Variants in ANKFN1 observed in about 807,000 individuals in gnomAD.
ANKFN1 encodes the protein ankyrin repeat and fibronectin type III domain containing 1, also known as ankyrin repeat and fibronectin type-III domain-containing protein 1.
A neutral mutation model predicts 108.7 loss-of-function variants in ANKFN1; 74 were observed. That is an observed-to-expected ratio of 0.68 (90% confidence interval 0.56 to 0.83). The LOEUF (loss-of-function observed/expected upper bound fraction) is 0.83, where lower values mean the gene tolerates loss of function less well. Ranked by LOEUF, ANKFN1 falls within the 40% of genes least tolerant of loss-of-function variation. The pLI is 0.00. For synonymous variants in ANKFN1, 547 were observed against 516.2 expected (o/e 1.06, Z -0.81); for missense variants, 1,505 against 1,382.3 (o/e 1.09, Z -1.41).
intron 3 of ANKFN1, among the ~76,000 whole-genome samples, chr17:56,300,972 T>C (rs1196892548): frequency 6.6e-6 from 1 of 152,184 alleles, no homozygotes; most frequent in Non-Finnish European, 1.5e-5. Context: ...TTCCAAAACA[T>C]AGTAACTGTT....
At chr17:56,141,274 G>A (rs902717349) in intron 4 of ANKFN1, among the ~76,000 whole-genome samples, 13 of 152,270 alleles carry the variant, frequency 8.5e-5, no homozygotes, top group South Asian at 4.1e-4. Flanking sequence ...GTACAATTCC[G>A]CAGTTTGCTG....
intron 4 of ANKFN1, among the ~76,000 whole-genome samples, chr17:56,062,652 C>G (rs1035300792): frequency 1.3e-5 from 2 of 149,806 alleles, no homozygotes; most frequent in Non-Finnish European, 3.0e-5. Flanking sequence ...AGATGGGTCT[C>G]TTGAATACAG....
intron 1 of ANKFN1, among the ~76,000 whole-genome samples, chr17:56,188,581 G>GTGTGTGTGTGTATATATATATA (rs1212242378): frequency 6.0e-5 from 3 of 49,652 alleles, no homozygotes; most frequent in African/African-American, 3.0e-4. Flanking sequence ...GTGTGTGTGT[G>GTGTGTGTGTGTATATATATATA]TATATATATA....
intron 3 of ANKFN1, among the ~76,000 whole-genome samples, chr17:56,286,339 T>C (rs1303142275): frequency 6.6e-6 from 1 of 152,192 alleles, no homozygotes; most frequent in Non-Finnish European, 1.5e-5. Context: ...ACAATAGTCA[T>C]TTATTATCCC....
intron 3 of ANKFN1, among the ~76,000 whole-genome samples, chr17:56,285,650 A>G (rs1260318855): frequency 6.6e-6 from 1 of 152,148 alleles, no homozygotes; most frequent in Admixed American, 6.5e-5. Context: ...TTCTACCCAC[A>G]GCTTGTGACT....
At chr17:56,343,739 A>G (rs2046023822) in intron 4 of ANKFN1, among the ~76,000 whole-genome samples, 1 of 151,694 alleles carries the variant, frequency 6.6e-6, no homozygotes, top group Admixed American at 6.6e-5. Context: ...TGTTCCAAGG[A>G]TCTCTGCACT....
intron 3 of ANKFN1, among the ~76,000 whole-genome samples, chr17:56,246,286 G>A (rs542740102): frequency 3.9e-5 from 6 of 152,164 alleles, no homozygotes; most frequent in East Asian, 1.9e-4. Context: ...CATGGGCAGC[G>A]GCTTAGTGAG....
intron 3 of ANKFN1, among the ~76,000 whole-genome samples, chr17:56,241,004 G>A (rs1403390305): frequency 1.3e-5 from 2 of 151,804 alleles, no homozygotes; most frequent in Admixed American, 6.6e-5. Context: ...TAATTATAGA[G>A]ACATTGACAT....
rs780105207 is a variant in ANKFN1 at position 56,372,748 on chromosome 17, C to T, written c.704C>T (p.Thr235Ile). ...GCCCAGGTGGAGAATGAAGGATTCA[C>T]TCTGGACAACACAGAGAAAGAGAAG... ...LSAQVENEGF[T>I]LDNTEKEKQL... Residue 235 changes from threonine to isoleucine, a missense_variant, in exon 7 of 21, where the codon ACT becomes ATT. Thr to Ile is a moderately conservative substitution (Grantham distance 89, BLOSUM62 -1). Coordinates refer to ENST00000682825, the MANE Select transcript of ANKFN1 (RefSeq NM_001370326.1). 6 of 1,613,970 alleles carry T rather than the reference C, an allele frequency of 3.7e-6. No homozygotes were observed. The highest frequency in any genetic ancestry group is 5.1e-6 in the Non-Finnish European group (6 of 1,179,906).
At chr17:56,300,757 A>G (rs2044649593) in intron 3 of ANKFN1, among the ~76,000 whole-genome samples, 2 of 152,158 alleles carry the variant, frequency 1.3e-5, no homozygotes, top group African/African-American at 4.8e-5. Flanking sequence ...GCAGATGTCA[A>G]TCATTGGCAA....
intron 1 of ANKFN1, among the ~76,000 whole-genome samples, chr17:56,181,558 G>A (rs901710216): frequency 6.6e-6 from 1 of 152,160 alleles, no homozygotes; most frequent in African/African-American, 2.4e-5. Flanking sequence ...AGGTAGGCTG[G>A]CTTTCGAGGA....
At chr17:56,466,233 A>AAC in intron 14 of ANKFN1, 123 bp from the exon 15 acceptor site, 1 of 909,330 alleles carries the variant, frequency 1.1e-6, no homozygotes. Context: ...TAAGTGCAAA[A>AAC]AAAAAAAAGA....
intron 4 of ANKFN1, among the ~76,000 whole-genome samples, chr17:56,349,611 A>G (rs985182281): frequency 5.3e-5 from 8 of 152,090 alleles, no homozygotes; most frequent in Non-Finnish European, 1.0e-4. Context: ...GAAAGCCTAC[A>G]ACAACAAAAA....
intron 1 of ANKFN1, among the ~76,000 whole-genome samples, chr17:56,154,073 G>A (rs537850800): frequency 2.6e-5 from 4 of 151,974 alleles, no homozygotes; most frequent in East Asian, 1.9e-4. Flanking sequence ...GCTGAGCCAG[G>A]GCTAGGCAGG....
chr17:56,315,646 T>C (rs1044032850), intron 3 of ANKFN1, among the ~76,000 whole-genome samples: 2 of 152,136 alleles, frequency 1.3e-5, no homozygotes, highest in Admixed American at 6.5e-5. Flanking sequence ...AAGAATGACA[T>C]TGAGTATTTG....
intron 4 of ANKFN1, among the ~76,000 whole-genome samples, chr17:56,067,231 A>ATT (rs1905070417): frequency 6.6e-6 from 1 of 151,300 alleles, no homozygotes; most frequent in Admixed American, 6.6e-5. Flanking sequence ...ATAGTACTCC[A>ATT]TTATATATAT....
At chr17:56,273,576 C>A (rs1161729106) in intron 3 of ANKFN1, among the ~76,000 whole-genome samples, 1 of 151,974 alleles carries the variant, frequency 6.6e-6, no homozygotes, top group African/African-American at 2.4e-5. Flanking sequence ...TTTTTATTCA[C>A]ATATGTAATT....
At position 56,514,929 on chromosome 17, in the gene ANKFN1, G is replaced by C. The variant is rs28502768; in HGVS notation, c.*3660G>C. Among the ~76,000 whole-genome samples the C allele has an allele frequency of 0.15, 22,700 of 151,940 alleles. 2,801 individuals carry two copies. The highest frequency in any genetic ancestry group is 0.34 in the African/African-American group (14,149 of 41,370). Reference sequence around the variant, plus strand: ...TTGTTATCCTGCCACACAAATGTGCGCCCTGGTGAGTTTGGAGCTCTTCCC... The same window carrying C: ...TTGTTATCCTGCCACACAAATGTGCCCCCTGGTGAGTTTGGAGCTCTTCCC... On this transcript the variant is annotated 3_prime_UTR_variant, in exon 21 of 21. Coordinates refer to ENST00000682825, the MANE Select transcript of ANKFN1 (RefSeq NM_001370326.1).
At chr17:56,239,648 A>C (rs1300085465) in intron 3 of ANKFN1, among the ~76,000 whole-genome samples, 1 of 152,126 alleles carries the variant, frequency 6.6e-6, no homozygotes, top group Non-Finnish European at 1.5e-5. Context: ...TCCAGATTGC[A>C]TATGTCCCAA....
Sources: allele counts gnomAD v4.1 joint callset (sites outside exome capture counted in the v4.1 genomes callset), GRCh38; gene constraint gnomAD v4.1.1; transcripts MANE v1.5; gene names NCBI Gene and HGNC (gene_info 2026-07-23, HGNC 2026-07-21).